Variants in ZFPM2 observed in about 807,000 individuals in gnomAD.
The protein encoded by ZFPM2 is zinc finger protein, FOG family member 2, also known as zinc finger protein ZFPM2.
In ZFPM2, 20 loss-of-function variants were observed where a neutral mutation model predicts 98.6. The ratio of observed to expected loss-of-function variants is 0.20; its 90% CI spans 0.14 to 0.29. The LOEUF is 0.29. Among genes scored for constraint, ZFPM2 ranks in the 10% least tolerant of loss-of-function variants. ZFPM2 has a pLI of 1.00. For missense variants in ZFPM2, 1,310 were observed against 1,388.6 expected, an observed-to-expected ratio of 0.94 and a Z score of 0.90; for synonymous variants, 518 against 502.7, an observed-to-expected ratio of 1.03 and a Z score of -0.41.
At chr8:105,328,893 A>T (rs1417322557) in intron 1 of ZFPM2, among the ~76,000 whole-genome samples, 1 of 151,826 alleles carries the variant, frequency 6.6e-6, no homozygotes, top group Non-Finnish European at 1.5e-5. Context: ...CCACCTCCAA[A>T]TGAAGACTCA....
intron 1 of ZFPM2, among the ~76,000 whole-genome samples, chr8:105,416,161 G>A (rs1188926236): frequency 1.3e-5 from 2 of 151,428 alleles, no homozygotes; most frequent in Non-Finnish European, 2.9e-5. Flanking sequence ...ATATGTATCT[G>A]TATATATATA....
chr8:105,636,536 A>G (rs1816850633), intron 5 of ZFPM2, among the ~76,000 whole-genome samples: 1 of 152,138 alleles, frequency 6.6e-6, no homozygotes, highest in Non-Finnish European at 1.5e-5. Context: ...TGTGTCCAAA[A>G]AGGAGTAAGT....
intron 5 of ZFPM2, among the ~76,000 whole-genome samples, chr8:105,665,594 C>A (rs1418113414): frequency 1.3e-5 from 2 of 152,116 alleles, no homozygotes; most frequent in Non-Finnish European, 2.9e-5. Flanking sequence ...CCTATAAATG[C>A]TACAATACAC....
At chr8:105,392,059 G>A (rs900456882) in intron 1 of ZFPM2, among the ~76,000 whole-genome samples, 1 of 152,182 alleles carries the variant, frequency 6.6e-6, no homozygotes, top group African/African-American at 2.4e-5. Flanking sequence ...CAACTTTGCA[G>A]AATGGATTTT....
At chr8:105,334,721 C>T (rs1812295370) in intron 1 of ZFPM2, among the ~76,000 whole-genome samples, 1 of 151,626 alleles carries the variant, frequency 6.6e-6, no homozygotes, top group Admixed American at 6.6e-5. Context: ...CATCTCTCAC[C>T]CCTATCAAAT....
chr8:105,360,808 A>C (rs1311814512), intron 1 of ZFPM2, among the ~76,000 whole-genome samples: 2 of 138,404 alleles, frequency 1.4e-5, no homozygotes, highest in Non-Finnish European at 3.1e-5. Flanking sequence ...TGAACTCATC[A>C]TTTTTTATGG....
chr8:105,689,233 A>G (rs1810818798), intron 5 of ZFPM2, among the ~76,000 whole-genome samples: 2 of 152,294 alleles, frequency 1.3e-5, no homozygotes, highest in South Asian at 4.1e-4. Flanking sequence ...GTATTCTATC[A>G]AGTCACACAT....
intron 1 of ZFPM2, among the ~76,000 whole-genome samples, chr8:105,364,901 A>T (rs1290656594): frequency 1.3e-5 from 2 of 152,046 alleles, no homozygotes; most frequent in Non-Finnish European, 2.9e-5. Context: ...TAGGGTACTG[A>T]TAATTACTGC....
In ZFPM2 at chr8:105,429,425, G is replaced by A. The variant is rs551885443; in HGVS notation, c.199+10123G>A. On this transcript the variant is annotated intron_variant, in intron 2 of 7. Coordinates refer to ENST00000407775, the MANE Select transcript of ZFPM2 (RefSeq NM_012082.4). ...AGTGACCTAAGAAGGGAAAGAAAACGTGCACAAGTTAGACAAGGAAATATA... is the reference window on the plus strand; with the variant it reads ...AGTGACCTAAGAAGGGAAAGAAAACATGCACAAGTTAGACAAGGAAATATA... 3.5e-5 allele frequency among the ~76,000 whole-genome samples: 5 copies of A among 143,728 alleles called. No homozygotes were observed. In the South Asian group the frequency reaches 8.3e-4, roughly 24 times the overall value. The allele number at this position is 143,728 out of a possible 152,430, so 94.3% of individuals were successfully genotyped here. A position where few individuals can be genotyped will look rare whatever the true frequency, so the allele number is the denominator to read the frequency against.
intron 5 of ZFPM2, among the ~76,000 whole-genome samples, chr8:105,763,680 G>T (rs1169862456): frequency 1.3e-5 from 2 of 151,872 alleles, no homozygotes; most frequent in Non-Finnish European, 2.9e-5. Context: ...TAAGTAGATT[G>T]TCCAAGGTCA....
intron 5 of ZFPM2, among the ~76,000 whole-genome samples, chr8:105,642,827 G>A (rs1208633774): frequency 6.6e-6 from 1 of 152,146 alleles, no homozygotes; most frequent in Non-Finnish European, 1.5e-5. Context: ...AATTTTGGTT[G>A]GATATTGAAT....
At chr8:105,787,400 T>C (rs1258611071) in intron 5 of ZFPM2, 1 of 152,242 alleles carries the variant, frequency 6.6e-6, no homozygotes, top group Non-Finnish European at 1.5e-5. Flanking sequence ...GTCTTAACTT[T>C]ATTTTTTAAC....
Position 105,318,938 on chromosome 8 carries a change from C to G in ZFPM2, c.-4C>G. 1 of 1,440,782 alleles carries G rather than the reference C, an allele frequency of 6.9e-7. No homozygotes were observed. Among genetic ancestry groups the G allele is most frequent in the Non-Finnish European group, 9.2e-7 (1 of 1,084,740 alleles). The allele number at this position is 1,440,782 out of a possible 1,614,324, so 89.2% of individuals were successfully genotyped here. On this transcript the variant is annotated 5_prime_UTR_variant, in exon 1 of 8. Coordinates refer to ENST00000407775, the MANE Select transcript of ZFPM2 (RefSeq NM_012082.4). ...GAGCCCCAGCGGCAGCAGCCGCCGCCGAGATGTCCCGGCGAAAGCAAAGCA... is the reference window on the plus strand; with the variant it reads ...GAGCCCCAGCGGCAGCAGCCGCCGCGGAGATGTCCCGGCGAAAGCAAAGCA...
At chr8:105,440,282 T>A (rs1181938527) in intron 2 of ZFPM2, among the ~76,000 whole-genome samples, 1 of 152,230 alleles carries the variant, frequency 6.6e-6, no homozygotes, top group East Asian at 1.9e-4. Context: ...ATTTTTGGCA[T>A]GTGATACTGA....
chr8:105,717,977 G>C (rs1345840092), intron 5 of ZFPM2, among the ~76,000 whole-genome samples: 1 of 151,852 alleles, frequency 6.6e-6, no homozygotes, highest in East Asian at 1.9e-4. Flanking sequence ...CTACTACCGA[G>C]AGACTGAGTT....
intron 4 of ZFPM2, among the ~76,000 whole-genome samples, chr8:105,588,281 GA>G (rs1336261308): frequency 2.0e-5 from 3 of 152,202 alleles, no homozygotes; most frequent in African/African-American, 7.2e-5. Flanking sequence ...CTCAGTCTCT[GA>G]TGCGGTGAAA....
At chr8:105,491,485 A>G (rs555039609) in intron 3 of ZFPM2, among the ~76,000 whole-genome samples, 61 of 152,292 alleles carry the variant, frequency 4.0e-4, no homozygotes, top group Non-Finnish European at 7.8e-4. Flanking sequence ...CGTTTATCAC[A>G]GTGCACAGGC....
intron 4 of ZFPM2, among the ~76,000 whole-genome samples, chr8:105,583,329 A>G (rs2130747332): frequency 6.6e-6 from 1 of 152,224 alleles, no homozygotes; most frequent in Admixed American, 6.5e-5. Context: ...AACCCTGAGT[A>G]TTATATTTTT....
chr8:105,377,356 A>G (rs1232863273), intron 1 of ZFPM2, among the ~76,000 whole-genome samples: 1 of 152,036 alleles, frequency 6.6e-6, no homozygotes, highest in African/African-American at 2.4e-5. Flanking sequence ...TTTGCTTACT[A>G]TCGCCTCCCT....
Sources: gnomAD v4.1 joint callset for allele counts (sites outside exome capture counted in the v4.1 genomes callset) on GRCh38, gnomAD v4.1.1 for gene constraint, MANE v1.5 for transcripts, NCBI Gene and HGNC (gene_info 2026-07-23, HGNC 2026-07-21) for gene names.